The following CRACD variants were observed in gnomAD, a reference collection of about 807,000 sequenced individuals.
CRACD encodes the protein capping protein-inhibiting regulator of actin dynamics.
Under a neutral mutation model 106.8 loss-of-function variants are expected in CRACD, and 56 were observed. The ratio of observed to expected loss-of-function variants is 0.52; its 90% CI spans 0.42 to 0.66. The LOEUF is 0.66. Ranked by LOEUF, CRACD falls within the 30% of genes least tolerant of loss-of-function variation. CRACD has a pLI of 0.00. For missense variants in CRACD, 1,730 were observed against 1,623.2 expected (o/e 1.07, Z -1.13); for synonymous variants, 754 against 670.8 (o/e 1.12, Z -1.92).
At chr4:56,066,572 TTAAA>T (rs1203424324) in intron 1 of CRACD, among the ~76,000 whole-genome samples, 1 of 152,078 alleles carries the variant, frequency 6.6e-6, no homozygotes. Flanking sequence ...AATACATGAA[TTAAA>T]TAAATAAATA....
chr4:56,059,562 G>A (rs1343316276), intron 1 of CRACD, among the ~76,000 whole-genome samples: 6 of 152,178 alleles, frequency 3.9e-5, no homozygotes. Context: ...CAACCAACCT[G>A]TACTGAACAT....
chr4:56,184,716 C>G (rs532971815), intron 2 of CRACD, among the ~76,000 whole-genome samples: 4 of 152,132 alleles, frequency 2.6e-5, no homozygotes, highest in Admixed American at 2.6e-4. Flanking sequence ...GGTAAGTACT[C>G]GGCTTTTCAC....
chr4:56,239,546 A>G (rs1740237295), intron 2 of CRACD, among the ~76,000 whole-genome samples: 1 of 152,080 alleles, frequency 6.6e-6, no homozygotes. Flanking sequence ...GAGAGCCATC[A>G]AAACCTCCCT....
intron 1 of CRACD, among the ~76,000 whole-genome samples, chr4:56,136,987 C>T (rs1735024098): frequency 6.6e-6 from 1 of 152,128 alleles, no homozygotes; most frequent in Non-Finnish European, 1.5e-5. Flanking sequence ...ACATATCTTC[C>T]ATGAATTGCC....
intron 3 of CRACD, among the ~76,000 whole-genome samples, chr4:56,286,393 C>T (rs1166047875): frequency 2.4e-4 from 20 of 82,112 alleles, no homozygotes; most frequent in East Asian, 1.9e-3. Context: ...ATTCTGTCTC[C>T]GAAAAAAAAA....
chr4:56,152,920 T>G (rs1735633025), intron 1 of CRACD, among the ~76,000 whole-genome samples: 1 of 152,322 alleles, frequency 6.6e-6, no homozygotes, highest in South Asian at 2.1e-4. Flanking sequence ...CCCTGTCTTT[T>G]CTGTTGCCCA....
chr4:56,236,885 A>G (rs980073095), intron 2 of CRACD, among the ~76,000 whole-genome samples: 4 of 152,188 alleles, frequency 2.6e-5, no homozygotes, highest in Non-Finnish European at 5.9e-5. Context: ...TTTTCCACCA[A>G]TCAGAGATGG....
At position 56,210,847 on chromosome 4, in the gene CRACD, G is replaced by A. The variant is rs189883660; in HGVS notation, c.-189+31417G>A. On this transcript the variant is annotated intron_variant, in intron 2 of 10. Coordinates refer to ENST00000682029, the MANE Select transcript of CRACD (RefSeq NM_001393381.1). The stretch of plus-strand genomic sequence containing the variant: ...TGAGTTTAGGGTGGTGCCCATTAAG[G>A]AACAGAGCAAAGGAAGAGTTCTCCA... Among the ~76,000 whole-genome samples, 303 of 152,264 alleles carry A rather than the reference G, an allele frequency of 2.0e-3. 3 individuals carry two copies. The highest frequency in any genetic ancestry group is 8.1e-4 in the Non-Finnish European group (55 of 68,036).
At chr4:56,083,731 T>G (rs963838504) in intron 1 of CRACD, among the ~76,000 whole-genome samples, 2 of 152,012 alleles carry the variant, frequency 1.3e-5, no homozygotes, top group African/African-American at 4.8e-5. Flanking sequence ...TCCCAACACT[T>G]TGGGAGGGTT....
rs540561106 is a variant in CRACD at position 56,229,555 on chromosome 4, G to A, written c.-188-42766G>A. ...TAGCAGCCTGAATGGACTAAGATACGTGTGAATGAACGGAAAAGGGCCTCT... is the reference window on the plus strand; with the variant it reads ...TAGCAGCCTGAATGGACTAAGATACATGTGAATGAACGGAAAAGGGCCTCT... On this transcript the variant is annotated intron_variant, in intron 2 of 10. Coordinates refer to ENST00000682029, the MANE Select transcript of CRACD (RefSeq NM_001393381.1). Among the ~76,000 whole-genome samples the A allele has an allele frequency of 5.3e-5, 8 of 152,290 alleles. 1 individual carries two copies. The highest frequency in any genetic ancestry group is 2.0e-4 in the Admixed American group (3 of 15,290).
At chr4:56,325,782 C>G (rs1746402887) in intron 10 of CRACD, among the ~76,000 whole-genome samples, 1 of 152,204 alleles carries the variant, frequency 6.6e-6, no homozygotes, top group Non-Finnish European at 1.5e-5. Flanking sequence ...CAAAGGGCGT[C>G]TAATCTCTAG....
chr4:56,079,107 A>T lies in CRACD; in HGVS notation c.-336+29808A>T, dbSNP rs560511674. ...TGGCTGGTGGTGGAAGGTGCCTTTT[A>T]TGTGGAGTCCAGCGTGTCCTGCCAG... On this transcript the variant is annotated intron_variant, in intron 1 of 10. Coordinates refer to ENST00000682029, the MANE Select transcript of CRACD (RefSeq NM_001393381.1). Among the ~76,000 whole-genome samples, 200 of 152,290 alleles carry T rather than the reference A, an allele frequency of 1.3e-3. 9 individuals carry two copies. The South Asian group carries it at 0.038, about 29-fold the overall frequency.
At chr4:56,307,143 A>G (rs569478361) in intron 4 of CRACD, among the ~76,000 whole-genome samples, 13 of 152,320 alleles carry the variant, frequency 8.5e-5, no homozygotes, top group Non-Finnish European at 1.3e-4. Flanking sequence ...ACTGTTTTCT[A>G]TAATTTTTTT....
In CRACD at chr4:56,272,399, G is replaced by A. The variant is rs944904104; in HGVS notation, c.-110G>A. 6.6e-6 allele frequency: 1 copy of A among 152,670 alleles called. No individual in the cohort carries two copies. Among genetic ancestry groups the A allele is most frequent in the Non-Finnish European group, 1.5e-5 (1 of 68,060 alleles). The allele number at this position is 152,670 out of a possible 1,614,324, so 9.5% of individuals were successfully genotyped here. A position where few individuals can be genotyped will look rare whatever the true frequency, so the allele number is the denominator to read the frequency against. ...AAAAAGAAAGACCCTTCGTTGTTCC[G>A]GGTGCCGTCGTTGGGGAAGAAGAGT... is the stretch of plus-strand genomic sequence containing the variant. On this transcript the variant is annotated 5_prime_UTR_variant, in exon 3 of 11. Transcript: ENST00000682029.
intron 7 of CRACD, among the ~76,000 whole-genome samples, chr4:56,313,644 G>A (rs1490801658): frequency 6.6e-6 from 1 of 152,206 alleles, no homozygotes; most frequent in African/African-American, 2.4e-5. Context: ...TGGAAAAGTG[G>A]TTTAGCCAAT....
chr4:56,137,470 C>T (rs560193502), intron 1 of CRACD, among the ~76,000 whole-genome samples: 20 of 152,150 alleles, frequency 1.3e-4, no homozygotes, highest in South Asian at 4.2e-4. Flanking sequence ...CAACAGTGGA[C>T]GAGGGGCATT....
At chr4:56,073,629 A>G (rs1201737561) in intron 1 of CRACD, among the ~76,000 whole-genome samples, 3 of 152,166 alleles carry the variant, frequency 2.0e-5, no homozygotes, top group Non-Finnish European at 2.9e-5. Flanking sequence ...ATAGATTGCA[A>G]AAATTTTCTC....
At chr4:56,204,009 A>C (rs1738006356) in intron 2 of CRACD, among the ~76,000 whole-genome samples, 2 of 152,238 alleles carry the variant, frequency 1.3e-5, no homozygotes, top group Admixed American at 1.3e-4. Flanking sequence ...AGCCTTGTGC[A>C]TATTCAAAAA....
chr4:56,278,323 G>A (rs1742794120), intron 3 of CRACD, among the ~76,000 whole-genome samples: 1 of 152,148 alleles, frequency 6.6e-6, no homozygotes, highest in South Asian at 2.1e-4. Flanking sequence ...AAAGATAATG[G>A]AATTGAATTG....
Sources: allele counts gnomAD v4.1 joint callset (sites outside exome capture counted in the v4.1 genomes callset), GRCh38; gene constraint gnomAD v4.1.1; transcripts MANE v1.5; gene names NCBI Gene and HGNC (gene_info 2026-07-23, HGNC 2026-07-21).